ERO1B: variants seen among roughly 807,000 people sequenced by gnomAD.
ERO1B encodes the protein endoplasmic reticulum oxidoreductase 1 beta, also known as ERO1-like protein beta.
Under a neutral mutation model 75.3 loss-of-function variants are expected in ERO1B, and 49 were observed. The ratio of observed to expected loss-of-function variants is 0.65; its 90% CI spans 0.52 to 0.83. The LOEUF (loss-of-function observed/expected upper bound fraction) is 0.83. Ranked by LOEUF, ERO1B falls within the 40% of genes least tolerant of loss-of-function variation. The pLI is 0.00. For missense variants in ERO1B, 512 were observed against 560.1 expected, an observed-to-expected ratio of 0.91 and a Z score of 0.87; for synonymous variants, 191 against 192.9, an observed-to-expected ratio of 0.99 and a Z score of 0.08.
At chr1:236,260,191 C>A (rs149747469) in intron 2 of ERO1B, among the ~76,000 whole-genome samples, 7 of 151,672 alleles carry the variant, frequency 4.6e-5, no homozygotes, top group Non-Finnish European at 7.4e-5. Context: ...CAACTGACAT[C>A]GAAGAAAAAG....
chr1:236,232,838 G>A lies in ERO1B; in HGVS notation c.675C>T (p.Gly225=), dbSNP rs757548395. Residue 225 remains glycine (G), a splice_region_variant and synonymous_variant, in exon 9 of 16, where the codon GGC becomes GGT. Transcript: ENST00000354619. The stretch of plus-strand genomic sequence containing the variant: ...ATGAGTTTTGCTCACCATCATCTTC[G>A]CCTAAAAGAGAAAATAATAGAAAAG... ...RPLNPLAPSR[G]EDDGESFYTW... 7 of 1,590,534 alleles carry A rather than the reference G, an allele frequency of 4.4e-6. No homozygotes were observed. The highest frequency in any genetic ancestry group is 6.0e-6 in the Non-Finnish European group (7 of 1,168,208).
rs1664375210 is a variant in ERO1B at position 236,230,366 on chromosome 1, C to T, written c.686-116G>A. 3 of 798,336 alleles carry T rather than the reference C, an allele frequency of 3.8e-6. No individual in the cohort carries two copies. The East Asian group carries it at 8.9e-5, about 24-fold the overall frequency. The allele number at this position is 798,336 out of a possible 1,614,324, so 49.5% of individuals were successfully genotyped here. On this transcript the variant is annotated intron_variant, in intron 9 of 15. Transcript: ENST00000354619. The stretch of plus-strand genomic sequence containing the variant: ...GTGGCTCATGCCTATAATCCTAGCA[C>T]TTTGGGAGGCCGAGGTGGGCTGATC...
chr1:236,267,531 A>T (rs546432805), intron 2 of ERO1B, among the ~76,000 whole-genome samples: 1 of 152,192 alleles, frequency 6.6e-6, no homozygotes, highest in Non-Finnish European at 1.5e-5. Context: ...AGAGTGAGGG[A>T]CATAACATTA....
chr1:236,281,351 T>C (rs925930677), intron 1 of ERO1B: 1 of 201,412 alleles, frequency 5.0e-6, no homozygotes, highest in Admixed American at 6.0e-5. Context: ...ACAGCCGAGG[T>C]GGTTCATGCC....
chr1:236,257,481 C>A lies in ERO1B; in HGVS notation c.223-3976G>T, dbSNP rs539963914. Among the ~76,000 whole-genome samples the A allele has an allele frequency of 7.3e-5, 11 of 149,846 alleles. No homozygotes were observed. In the South Asian group the frequency reaches 2.1e-3, roughly 29 times the overall value. ...GCCTATGTAGCAAATAAAGAATAAA[C>A]CTCCTGAAGCCTAAACAGAAGGGAC... On this transcript the variant is annotated intron_variant, in intron 2 of 15. Coordinates refer to ENST00000354619, the MANE Select transcript of ERO1B (RefSeq NM_019891.4).
At chr1:236,228,684 C>T (rs751564374) in intron 10 of ERO1B, among the ~76,000 whole-genome samples, 5 of 152,152 alleles carry the variant, frequency 3.3e-5, no homozygotes, top group South Asian at 2.1e-4. Flanking sequence ...GGCATTTGGA[C>T]GTGGATTTGT....
intron 4 of ERO1B, chr1:236,251,327 C>CTTCA (rs1464825695): frequency 6.0e-6 from 1 of 166,350 alleles, no homozygotes; most frequent in Non-Finnish European, 1.2e-5. Flanking sequence ...TCACAGGATA[C>CTTCA]TTCAGAAAAA....
intron 5 of ERO1B, among the ~76,000 whole-genome samples, chr1:236,248,882 A>G (rs1367895284): frequency 6.6e-6 from 1 of 152,080 alleles, no homozygotes; most frequent in Middle Eastern, 3.2e-3. Context: ...ATTTACTTGG[A>G]ATGGAGGATT....
chr1:236,273,478 G>T (rs186672719), intron 1 of ERO1B, among the ~76,000 whole-genome samples: 4 of 152,282 alleles, frequency 2.6e-5, no homozygotes, highest in African/African-American at 9.6e-5. Context: ...AAAGAACATT[G>T]CTACACAAAT....
intron 10 of ERO1B, among the ~76,000 whole-genome samples, chr1:236,227,569 G>C (rs969413385): frequency 2.0e-5 from 3 of 152,170 alleles, no homozygotes; most frequent in Non-Finnish European, 2.9e-5. Context: ...GAAGTCACTG[G>C]ATACACGGCC....
intron 9 of ERO1B, among the ~76,000 whole-genome samples, chr1:236,232,247 A>C (rs1449224324): frequency 6.6e-6 from 1 of 152,142 alleles, no homozygotes; most frequent in African/African-American, 2.4e-5. Flanking sequence ...TATCCTATAT[A>C]TCCTCAGCTC....
intron 4 of ERO1B, among the ~76,000 whole-genome samples, chr1:236,250,571 CCA>C (rs1491184252): frequency 1.2e-4 from 6 of 49,820 alleles, no homozygotes; most frequent in African/African-American, 2.9e-4. Context: ...GTAAATTTGA[CCA>C]TATATATATA....
At chr1:236,259,882 C>T (rs556735296) in intron 2 of ERO1B, among the ~76,000 whole-genome samples, 1 of 152,070 alleles carries the variant, frequency 6.6e-6, no homozygotes, top group Admixed American at 6.5e-5. Flanking sequence ...GACCAAATGG[C>T]CCTACCAGAT....
intron 2 of ERO1B, among the ~76,000 whole-genome samples, chr1:236,254,375 C>T (rs1357240668): frequency 1.3e-5 from 2 of 152,202 alleles, no homozygotes; most frequent in East Asian, 3.8e-4. Context: ...GCTTCTACTT[C>T]TATGTCCATA....
At position 236,270,623 on chromosome 1, in the gene ERO1B, A is replaced by G. The variant is rs184905862; in HGVS notation, c.103-629T>C. Among the ~76,000 whole-genome samples, 4 of 152,318 alleles carry G rather than the reference A, an allele frequency of 2.6e-5. No individual in the cohort carries two copies. In the East Asian group the frequency reaches 7.7e-4, roughly 29 times the overall value. On this transcript the variant is annotated intron_variant, in intron 1 of 15. Coordinates refer to ENST00000354619, the MANE Select transcript of ERO1B (RefSeq NM_019891.4). Reference sequence around the variant, plus strand: ...AATCCAAGAAGAGAAATTGGTATTTACAAAGTGAATTTAGAGTCCCAAAAT... The same window carrying G: ...AATCCAAGAAGAGAAATTGGTATTTGCAAAGTGAATTTAGAGTCCCAAAAT...
chr1:236,224,434 A>T (rs1489909292), intron 13 of ERO1B, among the ~76,000 whole-genome samples: 1 of 150,904 alleles, frequency 6.6e-6, no homozygotes, highest in African/African-American at 2.4e-5. Context: ...TGGGCAACAT[A>T]GCGAGACCCC....
intron 12 of ERO1B, among the ~76,000 whole-genome samples, chr1:236,225,370 A>T (rs1247124540): frequency 6.6e-6 from 1 of 152,246 alleles, no homozygotes; most frequent in African/African-American, 2.4e-5. Flanking sequence ...AATGTTTTAA[A>T]TAAATGACAC....
chr1:236,281,865 A>C lies in ERO1B; in HGVS notation c.-82T>G, dbSNP rs943571428. 9.3e-7 allele frequency: 1 copy of C among 1,070,168 alleles called. No homozygotes were observed. The highest frequency in any genetic ancestry group is 1.2e-6 in the Non-Finnish European group (1 of 815,988). 66.3% of individuals were successfully genotyped at this position (1,070,168 alleles called of 1,614,324 possible). ...GCGGCCCAGGCGACGACCCAAGGGGACGGTTCCCAGCGGCCGAGCGACTCC... is the reference window on the plus strand; with the variant it reads ...GCGGCCCAGGCGACGACCCAAGGGGCCGGTTCCCAGCGGCCGAGCGACTCC... On this transcript the variant is annotated 5_prime_UTR_variant, in exon 1 of 16. Coordinates refer to ENST00000354619, the MANE Select transcript of ERO1B (RefSeq NM_019891.4).
chr1:236,249,387 C>A (rs1329423320), intron 5 of ERO1B, among the ~76,000 whole-genome samples: 1 of 152,154 alleles, frequency 6.6e-6, no homozygotes, highest in East Asian at 1.9e-4. Flanking sequence ...TCATTCCCAA[C>A]TACTGATTAT....
Sources: gnomAD v4.1 joint callset for allele counts (sites outside exome capture counted in the v4.1 genomes callset) on GRCh38, gnomAD v4.1.1 for gene constraint, MANE v1.5 for transcripts, NCBI Gene and HGNC (gene_info 2026-07-23, HGNC 2026-07-21) for gene names.